The following DNAJC1 variants were observed in gnomAD, a reference collection of about 807,000 sequenced individuals.
DNAJC1 encodes DnaJ heat shock protein family (Hsp40) member C1, also known as dnaJ homolog subfamily C member 1.
In DNAJC1, 58 loss-of-function variants were observed where a neutral mutation model predicts 76.6. The ratio of observed to expected loss-of-function variants is 0.76; its 90% CI spans 0.61 to 0.94. DNAJC1 has a LOEUF of 0.94. Among genes scored for constraint, DNAJC1 ranks in the 40% least tolerant of loss-of-function variants. DNAJC1 has a pLI of 0.00. For synonymous variants in DNAJC1, 258 were observed against 267.9 expected, an observed-to-expected ratio of 0.96 and a Z score of 0.36; for missense variants, 689 against 677.3, an observed-to-expected ratio of 1.02 and a Z score of -0.19.
chr10:21,881,757 T>C (rs1271806805), intron 8 of DNAJC1, among the ~76,000 whole-genome samples: 1 of 146,374 alleles, frequency 6.8e-6, no homozygotes, highest in Admixed American at 7.1e-5. Flanking sequence ...CAAAATGTTA[T>C]ATAGAGACAC....
chr10:21,771,914 A>G (rs1287979730), intron 9 of DNAJC1, among the ~76,000 whole-genome samples: 1 of 152,176 alleles, frequency 6.6e-6, no homozygotes. Flanking sequence ...GTTAAATGCC[A>G]CTTGATCATG....
At chr10:21,988,201 A>G (rs1188955846) in intron 1 of DNAJC1, among the ~76,000 whole-genome samples, 10 of 152,272 alleles carry the variant, frequency 6.6e-5, no homozygotes, top group Admixed American at 4.6e-4. Context: ...AGCTGTGCAT[A>G]TTCTATTGTG....
At chr10:21,800,328 T>C (rs980952537) in intron 9 of DNAJC1, among the ~76,000 whole-genome samples, 3 of 152,216 alleles carry the variant, frequency 2.0e-5, no homozygotes, top group Non-Finnish European at 4.4e-5. Flanking sequence ...CTAGTGGGAA[T>C]GTGTATTGTT....
In DNAJC1 at chr10:21,837,422, T is replaced by C. The variant is rs1049733072; in HGVS notation, c.979-31323A>G. Among the ~76,000 whole-genome samples the C allele has an allele frequency of 3.4e-5, 5 of 147,644 alleles. No homozygotes were observed. In the East Asian group the frequency reaches 8.1e-4, roughly 24 times the overall value. On this transcript the variant is annotated intron_variant, in intron 8 of 11. Coordinates refer to ENST00000376980, the MANE Select transcript of DNAJC1 (RefSeq NM_022365.4). ...CTGTCCGGCTGCCCAGTCTGGGAAG[T>C]GAAGAGCGCCTCTTCCCGGCCGCCA... is the stretch of plus-strand genomic sequence containing the variant.
intron 7 of DNAJC1, among the ~76,000 whole-genome samples, chr10:21,885,059 G>C (rs1014039513): frequency 6.6e-6 from 1 of 151,976 alleles, no homozygotes; most frequent in African/African-American, 2.4e-5. Flanking sequence ...CCACTTAAAA[G>C]TCACAGAGTG....
intron 3 of DNAJC1, among the ~76,000 whole-genome samples, chr10:21,924,352 T>G (rs1322577167): frequency 6.6e-6 from 1 of 152,196 alleles, no homozygotes; most frequent in South Asian, 2.1e-4. Context: ...AAACGTTATT[T>G]AGTAAACTAA....
At chr10:21,953,507 T>G (rs1044831631) in intron 1 of DNAJC1, among the ~76,000 whole-genome samples, 2 of 151,970 alleles carry the variant, frequency 1.3e-5, no homozygotes, top group Non-Finnish European at 2.9e-5. Context: ...AAATTCACCC[T>G]TAAATATTAT....
At chr10:21,846,992 T>C (rs894739679) in intron 8 of DNAJC1, among the ~76,000 whole-genome samples, 2 of 151,886 alleles carry the variant, frequency 1.3e-5, no homozygotes, top group African/African-American at 4.8e-5. Flanking sequence ...GCTTCTATGA[T>C]AAAGAGATAA....
chr10:21,812,588 G>C (rs1834985878), intron 8 of DNAJC1, among the ~76,000 whole-genome samples: 1 of 151,498 alleles, frequency 6.6e-6, no homozygotes, highest in South Asian at 2.1e-4. Context: ...CCTTTTTAGA[G>C]ACAGAGCCTT....
At chr10:21,819,757 C>T (rs1447724960) in intron 8 of DNAJC1, among the ~76,000 whole-genome samples, 1 of 151,982 alleles carries the variant, frequency 6.6e-6, no homozygotes, top group Non-Finnish European at 1.5e-5. Context: ...TGGTGAAACA[C>T]CATCTCTACC....
intron 8 of DNAJC1, among the ~76,000 whole-genome samples, chr10:21,874,624 A>C (rs1836155813): frequency 6.6e-6 from 1 of 152,178 alleles, no homozygotes; most frequent in East Asian, 1.9e-4. Context: ...TTGCCAGAAG[A>C]GGGGAGATCA....
At chr10:21,857,677 GA>G (rs1201323785) in intron 8 of DNAJC1, among the ~76,000 whole-genome samples, 1 of 152,132 alleles carries the variant, frequency 6.6e-6, no homozygotes, top group Non-Finnish European at 1.5e-5. Flanking sequence ...GTTTGTTGGT[GA>G]AACCCCGTCT....
chr10:21,816,026 G>T (rs555350335), intron 8 of DNAJC1, among the ~76,000 whole-genome samples: 1 of 151,620 alleles, frequency 6.6e-6, no homozygotes, highest in African/African-American at 2.4e-5. Context: ...TTACAGGCAT[G>T]AGCCACCGCG....
At chr10:21,931,362 A>C (rs894789210) in intron 1 of DNAJC1, among the ~76,000 whole-genome samples, 1 of 152,218 alleles carries the variant, frequency 6.6e-6, no homozygotes, top group African/African-American at 2.4e-5. Context: ...GAATCTATCC[A>C]GTTGAGTTAT....
chr10:21,908,322 G>C (rs1836793559), intron 6 of DNAJC1, among the ~76,000 whole-genome samples: 1 of 133,174 alleles, frequency 7.5e-6, no homozygotes, highest in Non-Finnish European at 1.5e-5. Flanking sequence ...ACCTGAAAAT[G>C]AAATCGGCTG....
intron 6 of DNAJC1, among the ~76,000 whole-genome samples, chr10:21,907,214 A>G (rs915912913): frequency 6.6e-6 from 1 of 151,862 alleles, no homozygotes; most frequent in South Asian, 2.1e-4. Context: ...AACCTACTCT[A>G]CTTAATCTGA....
chr10:21,950,034 C>T (rs954381329), intron 1 of DNAJC1, among the ~76,000 whole-genome samples: 1 of 151,480 alleles, frequency 6.6e-6, no homozygotes, highest in African/African-American at 2.4e-5. Flanking sequence ...TGTAGTCATC[C>T]ACAGAATCTT....
rs77644470 is a variant in DNAJC1 at position 21,801,209 on chromosome 10, T to C, written c.1098+4771A>G. Among the ~76,000 whole-genome samples, 770 of 152,144 alleles carry C rather than the reference T, an allele frequency of 5.1e-3. 9 individuals carry two copies. The highest frequency in any genetic ancestry group is 0.017 in the African/African-American group (723 of 41,526). ...ATAATCAATATTATCACCAAAGCAATTGAAAATATAAATGTTGGTTTGCTA... is the reference window on the plus strand; with the variant it reads ...ATAATCAATATTATCACCAAAGCAACTGAAAATATAAATGTTGGTTTGCTA... On this transcript the variant is annotated intron_variant, in intron 9 of 11. Transcript: ENST00000376980.
At chr10:21,943,609 A>T (rs1042024445) in intron 1 of DNAJC1, among the ~76,000 whole-genome samples, 2 of 152,156 alleles carry the variant, frequency 1.3e-5, no homozygotes, top group Non-Finnish European at 2.9e-5. Context: ...ACACAGACTG[A>T]TCCCTAATCC....
Sources: allele counts gnomAD v4.1 joint callset (sites outside exome capture counted in the v4.1 genomes callset), GRCh38; gene constraint gnomAD v4.1.1; transcripts MANE v1.5; gene names NCBI Gene and HGNC (gene_info 2026-07-23, HGNC 2026-07-21).